Variants in RCAN1 observed in about 807,000 individuals in gnomAD.
RCAN1 encodes calcipressin-1.
In RCAN1, 11 loss-of-function variants were observed where a neutral mutation model predicts 22.9. The ratio of observed to expected loss-of-function variants is 0.48; its 90% confidence interval spans 0.30 to 0.79. RCAN1 has a LOEUF of 0.79. Ranked by LOEUF, RCAN1 falls within the 30% of genes least tolerant of loss-of-function variation. RCAN1 has a pLI of 0.06. For synonymous variants in RCAN1, 136 were observed against 142.3 expected, an observed-to-expected ratio of 0.96 and a Z score of 0.32; for missense variants, 291 against 337.8, an observed-to-expected ratio of 0.86 and a Z score of 1.09.
intron 1 of RCAN1, among the ~76,000 whole-genome samples, chr21:34,544,394 G>A (rs1353450250): frequency 6.6e-6 from 1 of 152,166 alleles, no homozygotes; most frequent in East Asian, 1.9e-4. Flanking sequence ...AGTGGCCACG[G>A]GGATCTGAAT....
chr21:34,561,405 T>C (rs2123664585), intron 1 of RCAN1, among the ~76,000 whole-genome samples: 1 of 152,270 alleles, frequency 6.6e-6, no homozygotes, highest in South Asian at 2.1e-4. Context: ...CAAGGGAAAA[T>C]GATCCCAAAA....
chr21:34,532,421 G>A (rs941085949), intron 1 of RCAN1, among the ~76,000 whole-genome samples: 4 of 152,190 alleles, frequency 2.6e-5, no homozygotes, highest in African/African-American at 4.8e-5. Flanking sequence ...AACTTCCTAC[G>A]TCTGTCTCCA....
Position 34,517,324 on chromosome 21 carries a change from A to C in RCAN1, c.*760T>G, listed in dbSNP as rs1443861655. On this transcript the variant is annotated 3_prime_UTR_variant, in exon 4 of 4. Coordinates refer to ENST00000313806, the MANE Select transcript of RCAN1 (RefSeq NM_004414.7). The stretch of plus-strand genomic sequence containing the variant: ...CTCTGAATTGTATAAGCTAAATTCT[A>C]CAGAGGAATTTCAGATCAACTTCTT... 1.3e-5 allele frequency: 2 copies of C among 152,252 alleles called. No homozygotes were observed. Among genetic ancestry groups the C allele is most frequent in the African/African-American group, 2.4e-5 (1 of 41,476 alleles). The allele number at this position is 152,252 out of a possible 1,614,324, so 9.4% of individuals were successfully genotyped here. A position where few individuals can be genotyped will look rare whatever the true frequency, so the allele number is the denominator to read the frequency against.
intron 1 of RCAN1, chr21:34,525,418 G>A: frequency 7.1e-7 from 1 of 1,418,278 alleles, no homozygotes; most frequent in Non-Finnish European, 9.2e-7. Context: ...AGTTCATCTG[G>A]CCGCCTCTCA....
chr21:34,547,810 C>T (rs143826699), intron 1 of RCAN1, among the ~76,000 whole-genome samples: 16 of 152,314 alleles, frequency 1.1e-4, no homozygotes, highest in African/African-American at 3.8e-4. Flanking sequence ...ATGCTGGCAC[C>T]ATGCTCTTAG....
In RCAN1 at chr21:34,614,786, G is replaced by T; in HGVS notation, c.226C>A (p.Arg76Ser). Residue 76 changes from arginine (R) to serine (S), a missense_variant, in exon 1 of 4, where the codon CGC (arginine) becomes AGC (serine). Physicochemically the swap from Arg to Ser is moderately radical, Grantham distance 110 (BLOSUM62 -1). Coordinates refer to ENST00000313806, the MANE Select transcript of RCAN1 (RefSeq NM_004414.7). This position sits in a 1 kb window ranked among gnomAD's most constrained non-coding sequence, Gnocchi z 6.0. ...SATIACHLDP[R>S]VFVDGLCRAK... The stretch of plus-strand genomic sequence containing the variant: ...CGGCACAGGCCGTCCACGAACACGC[G>T]CGGGTCCAGGTGACAGGCGATGGTG... The T allele has an allele frequency of 6.8e-7, 1 of 1,468,716 alleles. No homozygotes were observed. The allele number at this position is 1,468,716 out of a possible 1,614,324, so 91.0% of individuals were successfully genotyped here. A position where few individuals can be genotyped will look rare whatever the true frequency, so the allele number is the denominator to read the frequency against.
At chr21:34,591,375 T>C (rs1019519325) in intron 1 of RCAN1, among the ~76,000 whole-genome samples, 2 of 152,164 alleles carry the variant, frequency 1.3e-5, no homozygotes, top group Non-Finnish European at 2.9e-5. Flanking sequence ...AGGGACAGTT[T>C]CCTGCAAAGT....
intron 1 of RCAN1, among the ~76,000 whole-genome samples, chr21:34,592,519 A>G (rs967248947): frequency 2.6e-5 from 4 of 152,284 alleles, no homozygotes; most frequent in South Asian, 2.1e-4. Flanking sequence ...CTAGGATTAG[A>G]TGGCAAAGTA....
intron 1 of RCAN1, chr21:34,559,156 T>C (rs1986697229): frequency 6.6e-6 from 1 of 152,244 alleles, no homozygotes; most frequent in African/African-American, 2.4e-5. Flanking sequence ...GTAGTCTACT[T>C]ATTCCAGGAA....
At chr21:34,594,609 C>A (rs1327412775) in intron 1 of RCAN1, among the ~76,000 whole-genome samples, 1 of 152,132 alleles carries the variant, frequency 6.6e-6, no homozygotes. Context: ...TTTAGGGGAC[C>A]CTCAGGCCCC....
Position 34,614,787 on chromosome 21 carries a change from C to T in RCAN1, c.225G>A (p.Pro75=). 1 of 1,470,428 alleles carries T rather than the reference C, an allele frequency of 6.8e-7. No individual in the cohort carries two copies. Among genetic ancestry groups the T allele is most frequent in the Non-Finnish European group, 9.0e-7 (1 of 1,107,864 alleles). The allele number at this position is 1,470,428 out of a possible 1,614,324, so 91.1% of individuals were successfully genotyped here. Residue 75 remains proline (P), a synonymous_variant, in exon 1 of 4, where the codon CCG becomes CCA. Transcript: ENST00000313806. This position sits in a 1 kb window ranked among gnomAD's most constrained non-coding sequence, Gnocchi z 6.0. ...PSATIACHLD[P]RVFVDGLCRA... The stretch of plus-strand genomic sequence containing the variant: ...GGCACAGGCCGTCCACGAACACGCG[C>T]GGGTCCAGGTGACAGGCGATGGTGG...
At chr21:34,530,625 T>TTGTGTTTGTTTTG (rs1555856746) in intron 1 of RCAN1, among the ~76,000 whole-genome samples, 1 of 72,010 alleles carries the variant, frequency 1.4e-5, no homozygotes, top group African/African-American at 6.2e-5. Context: ...AGTTTTTTTT[T>TTGTGTTTGTTTTG]TTTTTTTTTT....
At chr21:34,527,504 C>A (rs1450691980) in intron 1 of RCAN1, among the ~76,000 whole-genome samples, 2 of 152,166 alleles carry the variant, frequency 1.3e-5, no homozygotes, top group African/African-American at 4.8e-5. Context: ...TGGAATGGAG[C>A]AAACAGAACC....
intron 1 of RCAN1, among the ~76,000 whole-genome samples, chr21:34,533,864 T>C (rs984738217): frequency 6.6e-6 from 1 of 152,138 alleles, no homozygotes; most frequent in African/African-American, 2.4e-5. Flanking sequence ...GGAACAGCAT[T>C]CTGGCCCAGG....
chr21:34,537,559 C>G (rs897237344), intron 1 of RCAN1, among the ~76,000 whole-genome samples: 1 of 152,186 alleles, frequency 6.6e-6, no homozygotes, highest in Non-Finnish European at 1.5e-5. Flanking sequence ...CTTCAAATAC[C>G]CCAGGCCTCA....
intron 1 of RCAN1, among the ~76,000 whole-genome samples, chr21:34,567,117 GT>G (rs1987040432): frequency 1.4e-5 from 2 of 139,488 alleles, no homozygotes; most frequent in South Asian, 4.9e-4. Context: ...AAATCCTGCT[GT>G]GGTTCTATGT....
At chr21:34,534,641 A>G (rs1358122374) in intron 1 of RCAN1, among the ~76,000 whole-genome samples, 1 of 152,208 alleles carries the variant, frequency 6.6e-6, no homozygotes, top group Non-Finnish European at 1.5e-5. Context: ...TCAAAAGGCC[A>G]TGGCTTCTGG....
intron 1 of RCAN1, among the ~76,000 whole-genome samples, chr21:34,550,972 TAAC>T (rs1470596021): frequency 1.3e-5 from 2 of 152,230 alleles, no homozygotes; most frequent in African/African-American, 2.4e-5. Context: ...AAGCTGTAAG[TAAC>T]TCATTCACAT....
intron 2 of RCAN1, 55 bp downstream of exon 2, chr21:34,523,482 A>G: frequency 6.3e-7 from 1 of 1,576,116 alleles, no homozygotes; most frequent in South Asian, 1.1e-5. Flanking sequence ...AAGCTGCTTT[A>G]CAAAAGGGAG....
Sources: gnomAD v4.1 joint callset for allele counts (sites outside exome capture counted in the v4.1 genomes callset) on GRCh38, gnomAD v4.1.1 for gene constraint, Gnocchi (gnomAD v3.1) non-coding constraint, MANE v1.5 for transcripts, NCBI Gene and HGNC (gene_info 2026-07-23, HGNC 2026-07-21) for gene names.